SMCO4: variants seen among roughly 807,000 people sequenced by gnomAD.
The protein encoded by SMCO4 is single-pass membrane and coiled-coil domain-containing protein 4.
A neutral mutation model predicts 3.6 loss-of-function variants in SMCO4; 4 were observed. That is an observed-to-expected ratio of 1.11 (90% CI 0.54 to 2.53). SMCO4 has a LOEUF of 2.53. Among genes scored for constraint, SMCO4 ranks in the 30% most tolerant of loss-of-function variants. The probability of loss-of-function intolerance (pLI) is 0.02; values close to 1 mark genes in which losing one functional copy is unlikely to be tolerated. For missense variants in SMCO4, 70 were observed against 80.8 expected (o/e 0.87, Z 0.51); for synonymous variants, 36 against 35.3 (o/e 1.02, Z -0.07).
intron 1 of SMCO4, among the ~76,000 whole-genome samples, chr11:93,539,382 C>T (rs1337307442): frequency 6.6e-6 from 1 of 151,690 alleles, no homozygotes; most frequent in Admixed American, 6.6e-5. Flanking sequence ...TGTAGGAGGA[C>T]GGAAGGAACA....
At chr11:93,495,351 A>C (rs1344375837) in intron 2 of SMCO4, among the ~76,000 whole-genome samples, 1 of 151,968 alleles carries the variant, frequency 6.6e-6, no homozygotes, top group Non-Finnish European at 1.5e-5. Flanking sequence ...TATTACCATT[A>C]ATTACCTTGG....
At chr11:93,552,886 C>T in the SMCO4 span, among the ~76,000 whole-genome samples, 1 of 151,900 alleles carries the variant, frequency 6.6e-6, no homozygotes, top group East Asian at 1.9e-4. Context: ...ATTATTCTTC[C>T]TTATTATATA....
Position 93,479,275 on chromosome 11 carries a change from G to C in SMCO4, c.-80-6C>G. On this transcript the variant is annotated splice_region_variant and splice_polypyrimidine_tract_variant and intron_variant, in intron 2 of 2. Transcript: ENST00000298966. ...CTTGCCAAGGCTGGAACCTCCTGTA[G>C]AGAGAACAACTGTGATAGTAGAGAA... 1 of 1,527,892 alleles carries C rather than the reference G, an allele frequency of 6.5e-7. No individual in the cohort carries two copies. The highest frequency in any genetic ancestry group is 1.4e-5 in the African/African-American group (1 of 72,404). 94.6% of individuals were successfully genotyped at this position (1,527,892 alleles called of 1,614,324 possible).
chr11:93,521,342 T>C (rs987775085), intron 1 of SMCO4, among the ~76,000 whole-genome samples: 1 of 152,190 alleles, frequency 6.6e-6, no homozygotes, highest in Non-Finnish European at 1.5e-5. Context: ...TTAATCTCTC[T>C]TAATCATAAA....
chr11:93,537,648 C>T (rs537097707), intron 1 of SMCO4, among the ~76,000 whole-genome samples: 2 of 152,092 alleles, frequency 1.3e-5, no homozygotes, highest in African/African-American at 2.4e-5. Context: ...CAGCTCATAT[C>T]CACAGGCAGA....
At chr11:93,552,442 G>GTTATTGTTATTATTA in the SMCO4 span, among the ~76,000 whole-genome samples, 1 of 130,246 alleles carries the variant, frequency 7.7e-6, no homozygotes, top group Non-Finnish European at 1.6e-5. Context: ...GCCCAGCCAC[G>GTTATTGTTATTATTA]TTATTATTAT....
At chr11:93,526,525 T>C (rs1949109812) in intron 1 of SMCO4, among the ~76,000 whole-genome samples, 1 of 152,146 alleles carries the variant, frequency 6.6e-6, no homozygotes, top group Non-Finnish European at 1.5e-5. Flanking sequence ...TGGAACATTA[T>C]ACTTCACCAG....
intron 2 of SMCO4, among the ~76,000 whole-genome samples, chr11:93,491,251 T>A (rs1452772031): frequency 6.6e-6 from 1 of 152,250 alleles, no homozygotes; most frequent in Admixed American, 6.5e-5. Flanking sequence ...CACTGGGTTT[T>A]GTTAAGGCAG....
chr11:93,512,313 T>C (rs927889178), intron 1 of SMCO4, among the ~76,000 whole-genome samples: 3 of 152,184 alleles, frequency 2.0e-5, no homozygotes, highest in African/African-American at 7.2e-5. Flanking sequence ...TGTCCAATGA[T>C]GTCATGGCCA....
chr11:93,535,430 A>G, intron 1 of SMCO4: 1 of 1,258,364 alleles, frequency 7.9e-7, no homozygotes, highest in South Asian at 1.3e-5. Context: ...TCTCACTGCT[A>G]GGGGCTTAAG....
intron 2 of SMCO4, among the ~76,000 whole-genome samples, chr11:93,485,507 C>G (rs1948638192): frequency 6.6e-6 from 1 of 152,244 alleles, no homozygotes; most frequent in South Asian, 2.1e-4. Context: ...CATGCAGAAG[C>G]AACAGCTTCC....
At chr11:93,492,890 C>T (rs1054826704) in intron 2 of SMCO4, among the ~76,000 whole-genome samples, 3 of 152,138 alleles carry the variant, frequency 2.0e-5, no homozygotes, top group Non-Finnish European at 2.9e-5. Context: ...TGACAAAATT[C>T]ATATATTTTG....
chr11:93,492,279 C>A (rs1410500535), intron 2 of SMCO4, among the ~76,000 whole-genome samples: 8 of 152,176 alleles, frequency 5.3e-5, no homozygotes, highest in Non-Finnish European at 1.2e-4. Flanking sequence ...TCCTGAGCAC[C>A]TACCACGTGC....
At chr11:93,520,405 G>A (rs571011645) in intron 1 of SMCO4, among the ~76,000 whole-genome samples, 1 of 152,296 alleles carries the variant, frequency 6.6e-6, no homozygotes, top group Admixed American at 6.5e-5. Context: ...AACTTACAAG[G>A]TAGCAATTCT....
chr11:93,487,791 G>A (rs1367301798), intron 2 of SMCO4, among the ~76,000 whole-genome samples: 1 of 152,236 alleles, frequency 6.6e-6, no homozygotes. Context: ...TTAAGTGCAT[G>A]TCAGGGTTTC....
At chr11:93,496,051 G>A (rs1016446407) in intron 2 of SMCO4, among the ~76,000 whole-genome samples, 2 of 152,200 alleles carry the variant, frequency 1.3e-5, no homozygotes, top group African/African-American at 2.4e-5. Context: ...GCTGCACTGG[G>A]CTTATGTGTT....
chr11:93,513,414 A>C (rs1948976791), intron 1 of SMCO4, among the ~76,000 whole-genome samples: 1 of 152,234 alleles, frequency 6.6e-6, no homozygotes. Context: ...ATTTTGTTAA[A>C]TGATGGGGGG....
At chr11:93,513,452 G>A (rs1017051142) in intron 1 of SMCO4, among the ~76,000 whole-genome samples, 1 of 152,164 alleles carries the variant, frequency 6.6e-6, no homozygotes, top group Non-Finnish European at 1.5e-5. Flanking sequence ...TCAGAATGAG[G>A]TAACATAGGT....
intron 1 of SMCO4, among the ~76,000 whole-genome samples, chr11:93,522,735 A>C (rs10831053): frequency 0.26 from 40,093 of 152,092 alleles, 5,547 homozygotes; most frequent in African/African-American, 0.29. Context: ...GTCTGATGAG[A>C]GAGTGTCTCA....
Sources: allele counts gnomAD v4.1 joint callset (sites outside exome capture counted in the v4.1 genomes callset), GRCh38; gene constraint gnomAD v4.1.1; transcripts MANE v1.5; gene names NCBI Gene and HGNC (gene_info 2026-07-23, HGNC 2026-07-21).